ZMYND11: variants seen among roughly 807,000 people sequenced by gnomAD.
ZMYND11 encodes zinc finger MYND-type containing 11.
In ZMYND11, 9 loss-of-function variants were observed where a neutral mutation model predicts 84.9. That is an observed-to-expected ratio of 0.11 (90% CI 0.06 to 0.18). ZMYND11 has a LOEUF of 0.18. Among genes scored for constraint, ZMYND11 ranks in the 10% least tolerant of loss-of-function variants. The pLI is 1.00. For missense variants in ZMYND11, 409 were observed against 761.0 expected, an observed-to-expected ratio of 0.54 and a Z score of 5.44; for synonymous variants, 250 against 244.1, an observed-to-expected ratio of 1.02 and a Z score of -0.23.
chr10:247,005 C>A, intron 11 of ZMYND11, 32 bp downstream of exon 11: 1 of 1,551,370 alleles, frequency 6.4e-7, no homozygotes, highest in South Asian at 1.2e-5. Context: ...AGTGCCTATT[C>A]ATTATTACTT....
At chr10:147,314 C>T (rs781954612) in intron 1 of ZMYND11, among the ~76,000 whole-genome samples, 13 of 151,992 alleles carry the variant, frequency 8.6e-5, no homozygotes, top group Non-Finnish European at 1.5e-4. Flanking sequence ...AGTAGGTATC[C>T]TTGTCTTGTT....
intron 4 of ZMYND11, among the ~76,000 whole-genome samples, chr10:235,559 G>A (rs1400361711): frequency 3.3e-5 from 5 of 152,176 alleles, no homozygotes; most frequent in African/African-American, 9.7e-5. Flanking sequence ...CGAATCACAG[G>A]CCCTGCCACC....
In ZMYND11 at chr10:254,263, C is replaced by T. The variant is rs908799176; in HGVS notation, c.*1793C>T. The stretch of plus-strand genomic sequence containing the variant: ...AGAGTATGTAATATTTAACTGATAG[C>T]TGCATGAAAGTGAGATTCGTGTTAC... On this transcript the variant is annotated 3_prime_UTR_variant, in exon 15 of 15. Coordinates refer to ENST00000381604, the MANE Select transcript of ZMYND11 (RefSeq NM_001370100.5). 1 of 152,492 alleles carries T rather than the reference C, an allele frequency of 6.6e-6. No individual in the cohort carries two copies. The highest frequency in any genetic ancestry group is 1.5e-5 in the Non-Finnish European group (1 of 68,038). 9.4% of individuals were successfully genotyped at this position (152,492 alleles called of 1,614,324 possible).
intron 2 of ZMYND11, among the ~76,000 whole-genome samples, chr10:208,941 A>G (rs1420370749): frequency 6.6e-6 from 1 of 152,088 alleles, no homozygotes; most frequent in Non-Finnish European, 1.5e-5. Flanking sequence ...TTATCTGGAT[A>G]TCCAAAGATC....
intron 4 of ZMYND11, among the ~76,000 whole-genome samples, chr10:222,000 GTA>G (rs1256632969): frequency 6.6e-6 from 1 of 152,082 alleles, no homozygotes; most frequent in Non-Finnish European, 1.5e-5. Context: ...GCAGAATGTG[GTA>G]TGTGTGTGTA....
At chr10:206,474 T>C (rs1944195924) in intron 2 of ZMYND11, among the ~76,000 whole-genome samples, 1 of 152,254 alleles carries the variant, frequency 6.6e-6, no homozygotes, top group Non-Finnish European at 1.5e-5. Context: ...TAAAATCTCA[T>C]AATTTTATAT....
intron 1 of ZMYND11, among the ~76,000 whole-genome samples, chr10:169,401 C>G (rs373268621): frequency 3.9e-5 from 6 of 152,220 alleles, no homozygotes; most frequent in African/African-American, 1.4e-4. Flanking sequence ...CAAAAAATCA[C>G]AAGGCCTACT....
chr10:153,091 C>T (rs1840807939), intron 1 of ZMYND11, among the ~76,000 whole-genome samples: 1 of 152,142 alleles, frequency 6.6e-6, no homozygotes, highest in African/African-American at 2.4e-5. Context: ...CCTTGAATAC[C>T]TTTAGCCGTG....
chr10:143,159 G>T (rs1223812840), intron 1 of ZMYND11, among the ~76,000 whole-genome samples: 3 of 152,142 alleles, frequency 2.0e-5, no homozygotes, highest in Non-Finnish European at 4.4e-5. Context: ...GCATTCCACT[G>T]GGTGTGCCGT....
intron 2 of ZMYND11, among the ~76,000 whole-genome samples, chr10:196,807 A>T (rs1021194390): frequency 6.6e-6 from 1 of 152,220 alleles, no homozygotes; most frequent in Non-Finnish European, 1.5e-5. Context: ...CAAACAGAGA[A>T]AAAGGAGGGA....
chr10:204,283 C>T (rs963082223), intron 2 of ZMYND11, among the ~76,000 whole-genome samples: 6 of 151,966 alleles, frequency 3.9e-5, no homozygotes, highest in South Asian at 2.1e-4. Context: ...ATGAAAATTC[C>T]GATTTGTTCA....
intron 4 of ZMYND11, among the ~76,000 whole-genome samples, chr10:236,148 C>G (rs971687233): frequency 4.6e-5 from 7 of 152,182 alleles, no homozygotes; most frequent in African/African-American, 1.7e-4. Context: ...GCCTTTGCTT[C>G]CTTTAGGCTG....
chr10:153,575 G>C (rs1434139231), intron 1 of ZMYND11, among the ~76,000 whole-genome samples: 1 of 152,100 alleles, frequency 6.6e-6, no homozygotes, highest in Non-Finnish European at 1.5e-5. Context: ...AACATCTACA[G>C]AATGTTTATT....
intron 1 of ZMYND11, among the ~76,000 whole-genome samples, chr10:153,800 G>A (rs1295366230): frequency 2.0e-5 from 3 of 152,196 alleles, no homozygotes; most frequent in Non-Finnish European, 2.9e-5. Context: ...ATTTGCCAGT[G>A]TCGTTGTAAA....
chr10:170,975 TAAAG>T (rs1249365415), intron 1 of ZMYND11, among the ~76,000 whole-genome samples: 2 of 151,994 alleles, frequency 1.3e-5, no homozygotes, highest in Non-Finnish European at 2.9e-5. Context: ...ATTGAAGAGA[TAAAG>T]AATATAGCAT....
chr10:144,164 C>T (rs1343704270), intron 1 of ZMYND11, among the ~76,000 whole-genome samples: 2 of 152,176 alleles, frequency 1.3e-5, no homozygotes, highest in Admixed American at 6.5e-5. Flanking sequence ...TCTCTCTGCT[C>T]ATGCTGAGGA....
chr10:208,027 A>C (rs2131232237), intron 2 of ZMYND11, among the ~76,000 whole-genome samples: 1 of 152,284 alleles, frequency 6.6e-6, no homozygotes. Context: ...GACAAACCTG[A>C]GAAAAACAAG....
At chr10:195,585 A>G (rs1023921934) in intron 2 of ZMYND11, among the ~76,000 whole-genome samples, 2 of 152,240 alleles carry the variant, frequency 1.3e-5, no homozygotes, top group Non-Finnish European at 2.9e-5. Flanking sequence ...TACATGCAGT[A>G]TGATTCCATT....
At position 246,914 on chromosome 10, in the gene ZMYND11, A is replaced by T; in HGVS notation, c.1099A>T (p.Asn367Tyr). The T allele has an allele frequency of 6.2e-7, 1 of 1,613,232 alleles. No individual in the cohort carries two copies. The highest frequency in any genetic ancestry group is 2.2e-5 in the East Asian group (1 of 44,850). ...LREGRFWKSK[N>Y]EDRGEEEAES... is the part of the protein sequence containing the mutation. Reference sequence around the variant, plus strand: ...AGAAGGGAGATTTTGGAAATCTAAGAATGAGGACCGAGGTGAGGAAGAGGC... The same window carrying T: ...AGAAGGGAGATTTTGGAAATCTAAGTATGAGGACCGAGGTGAGGAAGAGGC... Residue 367 changes from asparagine (N) to tyrosine (Y), a missense_variant, in exon 11 of 15, where the codon AAT becomes TAT. This residue lies in a region of ZMYND11 where 48 missense variants were observed against 61.1 expected (regional missense o/e 0.79). Coordinates refer to ENST00000381604, the MANE Select transcript of ZMYND11 (RefSeq NM_001370100.5).
Sources: gnomAD v4.1 joint callset for allele counts (sites outside exome capture counted in the v4.1 genomes callset) on GRCh38, gnomAD v4.1.1 for gene constraint, gnomAD v4.1.1 regional missense constraint, MANE v1.5 for transcripts, NCBI Gene and HGNC (gene_info 2026-07-23, HGNC 2026-07-21) for gene names.